TAB2: variants seen among roughly 807,000 people sequenced by gnomAD.
TAB2 encodes the protein TGF-beta activated kinase 1 (MAP3K7) binding protein 2.
Under a neutral mutation model 65.0 loss-of-function variants are expected in TAB2, and 3 were observed. The observed-to-expected ratio is 0.05, with a 90% CI of 0.02 to 0.12. The LOEUF (loss-of-function observed/expected upper bound fraction) is 0.12, where lower values mean the gene tolerates loss of function less well. Ranked by LOEUF, TAB2 falls within the 10% of genes least tolerant of loss-of-function variation. The probability of loss-of-function intolerance (pLI) is 1.00; values close to 1 mark genes in which losing one functional copy is unlikely to be tolerated. For synonymous variants in TAB2, 298 were observed against 285.1 expected (o/e 1.05, Z -0.46); for missense variants, 623 against 840.3 (o/e 0.74, Z 3.20).
chr6:149,230,400 A>G (rs562929306), intron 1 of TAB2, among the ~76,000 whole-genome samples: 1 of 152,228 alleles, frequency 6.6e-6, no homozygotes, highest in Non-Finnish European at 1.5e-5. Context: ...TCTGAGAATC[A>G]CAGCTTTTAT....
chr6:149,396,950 G>C lies in TAB2; in HGVS notation c.1604-654G>C, dbSNP rs1782192457. On this transcript the variant is annotated intron_variant, in intron 3 of 6. Coordinates refer to ENST00000637181, the MANE Select transcript of TAB2 (RefSeq NM_001292034.3). The stretch of plus-strand genomic sequence containing the variant: ...TAGACCAAACATGACAAACTCTGAA[G>C]TAAGAGAGCTTGTCCTTTCCGAGGG... Among the ~76,000 whole-genome samples, 2 of 152,154 alleles carry C rather than the reference G, an allele frequency of 1.3e-5. 1 individual carries two copies. Among genetic ancestry groups the C allele is most frequent in the South Asian group, 4.1e-4 (2 of 4,830 alleles).
intron 2 of TAB2, among the ~76,000 whole-genome samples, chr6:149,371,065 CAAAAAA>C (rs33926884): frequency 7.6e-4 from 55 of 71,980 alleles, no homozygotes; most frequent in African/African-American, 2.2e-3. Context: ...GACCCTATCT[CAAAAAA>C]AAAAAAAAAA....
chr6:149,348,930 G>A (rs1780394938), intron 1 of TAB2, among the ~76,000 whole-genome samples: 2 of 151,452 alleles, frequency 1.3e-5, no homozygotes, highest in South Asian at 4.2e-4. Context: ...TCGCACCGTT[G>A]AACTCCAGCC....
At chr6:149,346,576 C>T (rs920464429) in intron 1 of TAB2, 1 of 151,832 alleles carries the variant, frequency 6.6e-6, no homozygotes, top group Non-Finnish European at 1.5e-5. Flanking sequence ...GCCTCACCCT[C>T]CCAAATAGCT....
At chr6:149,366,943 A>G (rs1201407481) in intron 1 of TAB2, among the ~76,000 whole-genome samples, 1 of 136,084 alleles carries the variant, frequency 7.3e-6, no homozygotes, top group African/African-American at 2.8e-5. Flanking sequence ...CTCTCCCTCA[A>G]ATTGTGTATA....
rs1777560852 is a variant in TAB2 at position 149,239,631 on chromosome 6, A to G, written c.-121+20855A>G. Among the ~76,000 whole-genome samples the G allele has an allele frequency of 2.0e-5, 3 of 152,268 alleles. No homozygotes were observed. The South Asian group carries it at 6.2e-4, about 32-fold the overall frequency. On this transcript the variant is annotated intron_variant, in intron 1 of 1. Coordinates refer to the TAB2 transcript ENST00000606202. The stretch of plus-strand genomic sequence containing the variant: ...TATTTTATTCGAGCTGCTTCTACAC[A>G]CTTTATTTTGTTCTCTTGTTATTTT...
chr6:149,325,820 G>A (rs1331578746), intron 1 of TAB2, among the ~76,000 whole-genome samples: 5 of 152,170 alleles, frequency 3.3e-5, no homozygotes, highest in Non-Finnish European at 4.4e-5. Context: ...GCTCACTGAA[G>A]TCTTGACCTC....
Position 149,253,958 on chromosome 6 carries a change from AAAAGAAAGAAAGAAAG to A in TAB2, c.-121+35234_-121+35249del, listed in dbSNP as rs545364740. ...AGAAAGAAAGAGAAAGAAAGAAAGA[AAAAGAAAGAAAGAAAG>A]AAAGAAAGAAAGAAAGAAAGAAAGA... On this transcript the variant is annotated intron_variant, in intron 1 of 1. Transcript: ENST00000606202. Among the ~76,000 whole-genome samples, 527 of 76,286 alleles carry A rather than the reference AAAAGAAAGAAAGAAAG, an allele frequency of 6.9e-3. 7 individuals carry two copies. The highest frequency in any genetic ancestry group is 0.014 in the African/African-American group (271 of 19,718). The allele number at this position is 76,286 out of a possible 152,430, so 50.0% of individuals were successfully genotyped here.
intron 6 of TAB2, among the ~76,000 whole-genome samples, chr6:149,403,659 A>T (rs1782563173): frequency 6.6e-6 from 1 of 152,000 alleles, no homozygotes; most frequent in Admixed American, 6.6e-5. Context: ...TGCTTTCTGT[A>T]TAGGAAGCGT....
intron 1 of TAB2, among the ~76,000 whole-genome samples, chr6:149,346,958 A>T (rs1328365957): frequency 6.6e-6 from 1 of 152,176 alleles, no homozygotes; most frequent in East Asian, 1.9e-4. Flanking sequence ...GGAACTTATT[A>T]TCATACTTAG....
In TAB2 at chr6:149,399,242, A is replaced by T; in HGVS notation, c.1939+58A>T. Reference sequence around the variant, plus strand: ...CTTTTGAAAAGCAAAATTTTAGAAAATTTTTCCTGTTCAGCAACCTTCCTC... The same window carrying T: ...CTTTTGAAAAGCAAAATTTTAGAAATTTTTTCCTGTTCAGCAACCTTCCTC... On this transcript the variant is annotated intron_variant, in intron 6 of 6. Coordinates refer to ENST00000637181, the MANE Select transcript of TAB2 (RefSeq NM_001292034.3). 8 of 1,442,648 alleles carry T rather than the reference A, an allele frequency of 5.5e-6. No homozygotes were observed. The South Asian group carries it at 8.1e-5, about 15-fold the overall frequency. The allele number at this position is 1,442,648 out of a possible 1,614,324, so 89.4% of individuals were successfully genotyped here. A position where few individuals can be genotyped will look rare whatever the true frequency, so the allele number is the denominator to read the frequency against.
At chr6:149,372,411 A>G (rs1781259994) in intron 2 of TAB2, 1 of 152,208 alleles carries the variant, frequency 6.6e-6, no homozygotes, top group Admixed American at 6.5e-5. Context: ...GATGGGACAG[A>G]GTTAGGACTC....
At chr6:149,370,260 G>A (rs1417779760) in intron 2 of TAB2, among the ~76,000 whole-genome samples, 161 bp downstream of exon 2, 1 of 152,164 alleles carries the variant, frequency 6.6e-6, no homozygotes, top group Non-Finnish European at 1.5e-5. Flanking sequence ...TTGGCAAGAT[G>A]GAGCTTTCTG....
chr6:149,355,866 C>T (rs1315295462), intron 1 of TAB2, among the ~76,000 whole-genome samples: 1 of 152,068 alleles, frequency 6.6e-6, no homozygotes, highest in Non-Finnish European at 1.5e-5. Context: ...TCTGCTGCTG[C>T]TACCCAAAGA....
intron 1 of TAB2, among the ~76,000 whole-genome samples, chr6:149,234,295 G>A (rs989447233): frequency 3.3e-5 from 5 of 152,140 alleles, no homozygotes; most frequent in East Asian, 1.9e-4. Context: ...CTTGCTACTC[G>A]GATGTTTTAA....
intron 3 of TAB2, among the ~76,000 whole-genome samples, chr6:149,384,412 C>T (rs1396657269): frequency 6.6e-6 from 1 of 152,026 alleles, no homozygotes; most frequent in Non-Finnish European, 1.5e-5. Flanking sequence ...CATCAAGACC[C>T]CACTCATCTC....
At chr6:149,266,090 C>T (rs1209696623) in intron 1 of TAB2, among the ~76,000 whole-genome samples, 1 of 152,136 alleles carries the variant, frequency 6.6e-6, no homozygotes, top group African/African-American at 2.4e-5. Flanking sequence ...GTATAAGTCA[C>T]CTTAGAAGAT....
At chr6:149,340,965 G>A (rs1467364918) in intron 1 of TAB2, among the ~76,000 whole-genome samples, 1 of 151,996 alleles carries the variant, frequency 6.6e-6, no homozygotes, top group Non-Finnish European at 1.5e-5. Flanking sequence ...TAATAATTTT[G>A]TGTGGAACCC....
chr6:149,364,104 C>G lies in TAB2; in HGVS notation c.-89-5805C>G, dbSNP rs559443732. Among the ~76,000 whole-genome samples, 6 of 152,274 alleles carry G rather than the reference C, an allele frequency of 3.9e-5. 1 individual carries two copies. In the South Asian group the frequency reaches 1.2e-3, roughly 32 times the overall value. On this transcript the variant is annotated intron_variant, in intron 1 of 6. Transcript: ENST00000637181. Reference sequence around the variant, plus strand: ...CTAGTCTCCATTGCTATCCACAGTACAGGCTATTACCATTTCCTGGCTGAA... The same window carrying G: ...CTAGTCTCCATTGCTATCCACAGTAGAGGCTATTACCATTTCCTGGCTGAA...
Sources: gnomAD v4.1 joint callset for allele counts (sites outside exome capture counted in the v4.1 genomes callset) on GRCh38, gnomAD v4.1.1 for gene constraint, MANE v1.5 for transcripts, NCBI Gene and HGNC (gene_info 2026-07-23, HGNC 2026-07-21) for gene names.